CDH13: variants seen among roughly 807,000 people sequenced by gnomAD.
CDH13 encodes the protein cadherin 13, also known as cadherin-13.
CDH13 carries 24 observed loss-of-function variants against 63.8 expected under a neutral mutation model. The observed-to-expected ratio is 0.38, with a 90% CI of 0.27 to 0.53. The LOEUF (loss-of-function observed/expected upper bound fraction) is 0.53. Ranked by LOEUF, CDH13 falls within the 20% of genes least tolerant of loss-of-function variation. The pLI, the probability that CDH13 is intolerant of heterozygous loss-of-function variation, is 0.85. For missense variants in CDH13, 1,049 were observed against 903.1 expected (o/e 1.16, Z -2.07); for synonymous variants, 503 against 355.3 (o/e 1.42, Z -4.67).
chr16:83,262,475 A>G (rs1300752383), intron 5 of CDH13, among the ~76,000 whole-genome samples: 1 of 152,208 alleles, frequency 6.6e-6, no homozygotes, highest in Non-Finnish European at 1.5e-5. Flanking sequence ...TATATGGTGC[A>G]GGTGAAGCAC....
chr16:83,740,600 A>G (rs543028746), intron 10 of CDH13, among the ~76,000 whole-genome samples: 8 of 152,202 alleles, frequency 5.3e-5, no homozygotes, highest in Admixed American at 5.2e-4. Flanking sequence ...GCCAGCTGCC[A>G]TATGCCAGTC....
At chr16:83,252,197 C>G (rs1045008911) in intron 5 of CDH13, among the ~76,000 whole-genome samples, 6 of 148,866 alleles carry the variant, frequency 4.0e-5, no homozygotes, top group African/African-American at 1.5e-4. Context: ...CTCCCCACCC[C>G]TAATGCATTT....
chr16:83,669,400 T>C (rs2150853800), intron 8 of CDH13, among the ~76,000 whole-genome samples: 1 of 152,312 alleles, frequency 6.6e-6, no homozygotes, highest in Middle Eastern at 3.4e-3. Flanking sequence ...TGCTCAAGAA[T>C]TCTATGATTT....
chr16:83,280,016 C>G (rs1015104076), intron 5 of CDH13, among the ~76,000 whole-genome samples: 39 of 152,030 alleles, frequency 2.6e-4, no homozygotes, highest in African/African-American at 8.9e-4. Context: ...AGAGTCTTGC[C>G]GCAATGTTGA....
intron 5 of CDH13, among the ~76,000 whole-genome samples, chr16:83,287,307 G>C (rs1289666284): frequency 6.6e-6 from 1 of 152,124 alleles, no homozygotes; most frequent in African/African-American, 2.4e-5. Flanking sequence ...TAAGAGCGGG[G>C]GTCCTCAACC....
chr16:83,556,850 A>G (rs1481727969), intron 7 of CDH13, among the ~76,000 whole-genome samples: 3 of 152,214 alleles, frequency 2.0e-5, no homozygotes, highest in Admixed American at 2.0e-4. Flanking sequence ...CTTTACAGCA[A>G]AGGAAACGTT....
chr16:83,148,516 A>G (rs1390745539), intron 4 of CDH13, among the ~76,000 whole-genome samples: 1 of 152,196 alleles, frequency 6.6e-6, no homozygotes, highest in East Asian at 1.9e-4. Flanking sequence ...TGGTCAATGT[A>G]CGTAATGCCT....
chr16:83,426,509 TCACACACACACA>T (rs10545707), intron 6 of CDH13, among the ~76,000 whole-genome samples: 5 of 146,506 alleles, frequency 3.4e-5, no homozygotes, highest in Non-Finnish European at 7.5e-5. Context: ...ATGGAAACAA[TCACACACACACA>T]CACACACACA....
intron 1 of CDH13, among the ~76,000 whole-genome samples, chr16:82,816,835 C>CATCT: frequency 6.6e-6 from 1 of 151,824 alleles, no homozygotes; most frequent in Middle Eastern, 3.4e-3. Context: ...AATGACTCAT[C>CATCT]ATCTCATCTC....
intron 7 of CDH13, among the ~76,000 whole-genome samples, chr16:83,517,798 T>C (rs561095453): frequency 5.3e-5 from 8 of 152,330 alleles, no homozygotes; most frequent in African/African-American, 1.9e-4. Context: ...GTTTGGAGGC[T>C]CTTTTTTTAG....
At chr16:83,193,893 A>G (rs557970983) in intron 4 of CDH13, among the ~76,000 whole-genome samples, 1 of 152,332 alleles carries the variant, frequency 6.6e-6, no homozygotes, top group African/African-American at 2.4e-5. Flanking sequence ...TAAAAACAGA[A>G]TAGAAGTCCC....
intron 13 of CDH13, among the ~76,000 whole-genome samples, chr16:83,791,540 G>C (rs529265146): frequency 1.3e-5 from 2 of 151,424 alleles, no homozygotes; most frequent in South Asian, 2.1e-4. Context: ...TGGCTGGGTG[G>C]GGTGGCTCAT....
Position 83,783,307 on chromosome 16 carries a change from C to T in CDH13, c.1969C>T (p.Leu657=), listed in dbSNP as rs369064721. The T allele has an allele frequency of 6.8e-6, 11 of 1,613,882 alleles. No homozygotes were observed. Among genetic ancestry groups the T allele is most frequent in the African/African-American group, 2.7e-5 (2 of 74,926 alleles). The change falls in exon 13 of 14, where the codon CTG becomes TTG. Residue 657 remains leucine (L), a synonymous_variant. Coordinates refer to ENST00000567109, the MANE Select transcript of CDH13 (RefSeq NM_001257.5). ...LQNLNKANYN[L]PIMVTDSGKP... is the part of the protein sequence containing the mutation. ...AAATCTGAACAAAGCAAACTACAAC[C>T]TGCCCATCATGGTGACAGATTCAGG... is the stretch of plus-strand genomic sequence containing the variant.
At chr16:83,174,984 C>G (rs1049288195) in intron 4 of CDH13, among the ~76,000 whole-genome samples, 2 of 152,118 alleles carry the variant, frequency 1.3e-5, no homozygotes, top group African/African-American at 4.8e-5. Flanking sequence ...TCCCCTGACA[C>G]ATGGGGATTA....
At chr16:83,512,370 A>AAATAAAT (rs1479307322) in intron 7 of CDH13, among the ~76,000 whole-genome samples, 12 of 133,336 alleles carry the variant, frequency 9.0e-5, no homozygotes, top group African/African-American at 3.1e-4. Flanking sequence ...ATAAATAAAT[A>AAATAAAT]AAATAAAAAT....
chr16:83,385,164 C>G (rs11862625), intron 6 of CDH13, among the ~76,000 whole-genome samples: 158 of 152,198 alleles, frequency 1.0e-3, no homozygotes, highest in African/African-American at 3.7e-3. Context: ...AGTAAGGGAC[C>G]AAAGTATAAA....
Position 83,700,126 on chromosome 16 carries a change from T to C in CDH13, c.1538+21665T>C, listed in dbSNP as rs115174767. 4.6e-3 allele frequency among the ~76,000 whole-genome samples: 698 copies of C among 152,324 alleles called. 9 individuals carry two copies. The highest frequency in any genetic ancestry group is 0.016 in the African/African-American group (674 of 41,574). ...CCCAGGCAACCACTGATCTGCCTTC[T>C]GTCATTGTAGATTAGTGTACATTTT... On this transcript the variant is annotated intron_variant, in intron 10 of 13. Transcript: ENST00000567109.
intron 6 of CDH13, among the ~76,000 whole-genome samples, chr16:83,383,640 T>C (rs1357657191): frequency 6.6e-6 from 1 of 152,258 alleles, no homozygotes; most frequent in African/African-American, 2.4e-5. Context: ...GGTTGTTTTC[T>C]GTTGCTGTCT....
chr16:82,662,478 T>C (rs904718099), intron 1 of CDH13, among the ~76,000 whole-genome samples: 6 of 152,234 alleles, frequency 3.9e-5, no homozygotes, highest in Non-Finnish European at 7.3e-5. Context: ...GTTTTCTCTT[T>C]GCCTCTTTAG....
Sources: allele counts gnomAD v4.1 joint callset (sites outside exome capture counted in the v4.1 genomes callset), GRCh38; gene constraint gnomAD v4.1.1; transcripts MANE v1.5; gene names NCBI Gene and HGNC (gene_info 2026-07-23, HGNC 2026-07-21).